Variants in KSR2 observed in about 807,000 individuals in gnomAD.
KSR2 encodes kinase suppressor of ras 2.
KSR2 carries 25 observed loss-of-function variants against 107.8 expected under a neutral mutation model. That is an observed-to-expected ratio of 0.23 (90% CI 0.17 to 0.32). The LOEUF (loss-of-function observed/expected upper bound fraction) is 0.32. Among genes scored for constraint, KSR2 ranks in the 10% least tolerant of loss-of-function variants. The probability of loss-of-function intolerance (pLI) is 1.00; values close to 1 mark genes in which losing one functional copy is unlikely to be tolerated. For synonymous variants in KSR2, 480 were observed against 507.0 expected (o/e 0.95, Z 0.71); for missense variants, 887 against 1,268.9 (o/e 0.70, Z 4.57).
intron 3 of KSR2, among the ~76,000 whole-genome samples, chr12:117,800,581 T>C (rs191209589): frequency 4.5e-4 from 69 of 152,334 alleles, no homozygotes; most frequent in Non-Finnish European, 7.5e-4. Context: ...TATTTATTTT[T>C]ATTTTTTAAA....
intron 1 of KSR2, among the ~76,000 whole-genome samples, chr12:117,924,654 A>T (rs899814410): frequency 6.6e-6 from 1 of 151,966 alleles, no homozygotes; most frequent in African/African-American, 2.4e-5. Context: ...TATGCCCCTA[A>T]GGAGGCATAA....
In KSR2 at chr12:117,521,150, TCA is replaced by T. The variant is rs1310131663; in HGVS notation, c.2219+3700_2219+3701del. On this transcript the variant is annotated intron_variant, in intron 14 of 19. Coordinates refer to ENST00000339824, the MANE Select transcript of KSR2 (RefSeq NM_173598.6). ...TCCCCTTTGCCCTCACCTGCCACCATCACAGTCTTTTTTCTGGAATCTGCATT... is the reference window on the plus strand; with the variant it reads ...TCCCCTTTGCCCTCACCTGCCACCATCAGTCTTTTTTCTGGAATCTGCATT... 2.0e-5 allele frequency among the ~76,000 whole-genome samples: 3 copies of T among 152,284 alleles called. No homozygotes were observed. The East Asian group carries it at 5.8e-4, about 29-fold the overall frequency.
chr12:117,853,093 A>G (rs1368343547), intron 3 of KSR2, among the ~76,000 whole-genome samples: 2 of 152,020 alleles, frequency 1.3e-5, no homozygotes, highest in African/African-American at 2.4e-5. Context: ...GTGAGCCACC[A>G]CGTCCGGCCA....
intron 16 of KSR2, among the ~76,000 whole-genome samples, chr12:117,479,655 C>A (rs536692669): frequency 1.3e-5 from 2 of 152,170 alleles, no homozygotes; most frequent in Admixed American, 1.3e-4. Flanking sequence ...ATACAAAATA[C>A]GGAAATGGTC....
intron 5 of KSR2, among the ~76,000 whole-genome samples, chr12:117,597,684 C>T (rs538698835): frequency 3.2e-4 from 49 of 152,296 alleles, no homozygotes; most frequent in African/African-American, 1.1e-3. Flanking sequence ...TGCTTTCAGC[C>T]ACTGATTTTA....
chr12:117,625,665 T>G lies in KSR2; in HGVS notation c.1171+41809A>C, dbSNP rs537532908. Among the ~76,000 whole-genome samples, 6 of 151,356 alleles carry G rather than the reference T, an allele frequency of 4.0e-5. No homozygotes were observed. In the South Asian group the frequency reaches 1.2e-3, roughly 31 times the overall value. On this transcript the variant is annotated intron_variant, in intron 5 of 19. Coordinates refer to ENST00000339824, the MANE Select transcript of KSR2 (RefSeq NM_173598.6). ...TCAGGGATATTGGTCTAAAATTTTC[T>G]TTTTTTGTTGTGTCTCTGCCAGGCT...
intron 1 of KSR2, among the ~76,000 whole-genome samples, chr12:117,904,519 T>C (rs769237757): frequency 1.3e-5 from 2 of 152,190 alleles, no homozygotes; most frequent in Non-Finnish European, 2.9e-5. Context: ...TTCGGTGGCC[T>C]TATTACCCCT....
intron 2 of KSR2, among the ~76,000 whole-genome samples, chr12:117,856,507 G>A (rs992339575): frequency 2.0e-5 from 3 of 151,776 alleles, no homozygotes; most frequent in Admixed American, 6.6e-5. Flanking sequence ...AGACAGTCTC[G>A]CTCTTGTTTC....
intron 14 of KSR2, among the ~76,000 whole-genome samples, chr12:117,512,758 C>T (rs1279168750): frequency 6.6e-6 from 1 of 151,914 alleles, no homozygotes; most frequent in African/African-American, 2.4e-5. Context: ...ATTCAACATC[C>T]CCAACCAAAA....
In KSR2 at chr12:117,555,196, C is replaced by T. The variant is rs765756049; in HGVS notation, c.1491G>A (p.Thr497=). Residue 497 remains threonine, a synonymous_variant, in exon 9 of 20, where the codon ACG becomes ACA. Coordinates refer to ENST00000339824, the MANE Select transcript of KSR2 (RefSeq NM_173598.6). ...PRYSDLHISQ[T]LPKTNKINKD... is the part of the protein sequence containing the mutation. ...TGTTGATTTTGTTGGTTTTGGGGAGCGTCTGACTGATGTGCAGGTCTGAAT... is the reference window on the plus strand; with the variant it reads ...TGTTGATTTTGTTGGTTTTGGGGAGTGTCTGACTGATGTGCAGGTCTGAAT... 9.3e-6 allele frequency: 15 copies of T among 1,613,782 alleles called. No individual in the cohort carries two copies. The highest frequency in any genetic ancestry group is 3.3e-5 in the Admixed American group (2 of 60,000).
intron 17 of KSR2, among the ~76,000 whole-genome samples, chr12:117,474,678 G>C (rs1475629016): frequency 6.6e-6 from 1 of 152,176 alleles, no homozygotes; most frequent in Non-Finnish European, 1.5e-5. Flanking sequence ...TCCTGGCGCT[G>C]TGTCCTAGGC....
At chr12:117,794,284 TGC>T (rs1890493254) in intron 3 of KSR2, among the ~76,000 whole-genome samples, 1 of 58,454 alleles carries the variant, frequency 1.7e-5, no homozygotes, top group Non-Finnish European at 2.7e-5. Flanking sequence ...CACACCAACA[TGC>T]ACTCACACAC....
intron 4 of KSR2, among the ~76,000 whole-genome samples, chr12:117,757,587 T>C (rs1272723752): frequency 2.0e-5 from 3 of 152,200 alleles, no homozygotes; most frequent in African/African-American, 7.2e-5. Context: ...AACTGCATTG[T>C]TGTATTTTAA....
In KSR2 at chr12:117,457,595, C is replaced by A. The variant is rs966265480; in HGVS notation, c.*9604G>T. On this transcript the variant is annotated 3_prime_UTR_variant, in exon 20 of 20. Transcript: ENST00000339824. ...CTCAGGTGACACCATGCCTGACATG[C>A]CACCATATGGGCTTCCAGCCTCTGT... The A allele has an allele frequency of 1.3e-5, 2 of 152,178 alleles. No homozygotes were observed. The highest frequency in any genetic ancestry group is 4.8e-5 in the African/African-American group (2 of 41,448). 9.4% of individuals were successfully genotyped at this position (152,178 alleles called of 1,614,324 possible).
intron 1 of KSR2, among the ~76,000 whole-genome samples, chr12:117,920,255 T>C (rs896309625): frequency 1.3e-5 from 2 of 152,114 alleles, no homozygotes; most frequent in Non-Finnish European, 2.9e-5. Flanking sequence ...GGAGCCACTA[T>C]GCCCAGCTAA....
intron 14 of KSR2, among the ~76,000 whole-genome samples, chr12:117,507,256 C>A (rs1281937638): frequency 2.0e-5 from 3 of 152,186 alleles, no homozygotes; most frequent in African/African-American, 7.2e-5. Flanking sequence ...GGCCATTCAG[C>A]ACCAGGATGG....
chr12:117,935,779 A>G (rs1466750051), intron 1 of KSR2, among the ~76,000 whole-genome samples: 1 of 152,056 alleles, frequency 6.6e-6, no homozygotes, highest in African/African-American at 2.4e-5. Context: ...AATAATAAAT[A>G]AAGGCTCTCA....
intron 1 of KSR2, among the ~76,000 whole-genome samples, chr12:117,936,310 G>T (rs1438484923): frequency 7.6e-4 from 115 of 152,106 alleles, no homozygotes; most frequent in African/African-American, 2.7e-3. Flanking sequence ...TTACAGGCAT[G>T]AGCCACCACA....
rs564279427 is a variant in KSR2 at position 117,682,495 on chromosome 12, G to A, written c.987-14837C>T. 5.3e-5 allele frequency among the ~76,000 whole-genome samples: 8 copies of A among 151,820 alleles called. No homozygotes were observed. In the East Asian group the frequency reaches 1.2e-3, roughly 22 times the overall value. On this transcript the variant is annotated intron_variant, in intron 4 of 19. Transcript: ENST00000339824. ...TGCAACGGCGCAATCTCGGCTCACC[G>A]CAACCTCTGCTTCCCAGGTTCAAGC...
Sources: gnomAD v4.1 joint callset for allele counts (sites outside exome capture counted in the v4.1 genomes callset) on GRCh38, gnomAD v4.1.1 for gene constraint, MANE v1.5 for transcripts, NCBI Gene and HGNC (gene_info 2026-07-23, HGNC 2026-07-21) for gene names.